The following LRRC49 variants were observed in gnomAD, a reference collection of about 807,000 sequenced individuals.
The protein encoded by LRRC49 is leucine-rich repeat-containing protein 49.
A neutral mutation model predicts 83.3 loss-of-function variants in LRRC49; 50 were observed. The ratio of observed to expected loss-of-function variants is 0.60; its 90% CI spans 0.48 to 0.76. The LOEUF (loss-of-function observed/expected upper bound fraction) is 0.76, where lower values mean the gene tolerates loss of function less well. Among genes scored for constraint, LRRC49 ranks in the 30% least tolerant of loss-of-function variants. The probability of loss-of-function intolerance (pLI) is 0.00; values close to 1 mark genes in which losing one functional copy is unlikely to be tolerated. For synonymous variants in LRRC49, 286 were observed against 283.3 expected (o/e 1.01, Z -0.10); for missense variants, 704 against 809.1 (o/e 0.87, Z 1.58).
chr15:70,993,837 G>A (rs146740603), intron 11 of LRRC49, among the ~76,000 whole-genome samples: 22 of 152,088 alleles, frequency 1.4e-4, no homozygotes, highest in East Asian at 1.2e-3. Context: ...CCTTCAATCC[G>A]TCAAATTTTT....
intron 8 of LRRC49, among the ~76,000 whole-genome samples, chr15:70,941,410 A>G (rs1041214378): frequency 1.3e-5 from 2 of 152,094 alleles, no homozygotes; most frequent in East Asian, 1.9e-4. Context: ...CTAAAATGTT[A>G]TAGAATGATA....
chr15:70,871,234 G>A lies in LRRC49; in HGVS notation c.-298-1674G>A, dbSNP rs2033026806. On this transcript the variant is annotated intron_variant, in intron 1 of 16. Transcript: ENST00000544974. ...CCCTTAATCCATTTAACCCTGAGTG[G>A]ACACAGCACATGTTTCAGAGAGCAC... Among the ~76,000 whole-genome samples, 3 of 152,122 alleles carry A rather than the reference G, an allele frequency of 2.0e-5. No individual in the cohort carries two copies. In the South Asian group the frequency reaches 6.2e-4, roughly 32 times the overall value.
At chr15:70,875,153 C>A (rs1007115659) in intron 2 of LRRC49, among the ~76,000 whole-genome samples, 5 of 152,180 alleles carry the variant, frequency 3.3e-5, no homozygotes, top group African/African-American at 4.8e-5. Flanking sequence ...GTGAACCAGA[C>A]CATCCCTAAA....
At chr15:70,926,415 A>G (rs952205102) in intron 7 of LRRC49, among the ~76,000 whole-genome samples, 1 of 152,118 alleles carries the variant, frequency 6.6e-6, no homozygotes, top group Non-Finnish European at 1.5e-5. Flanking sequence ...TGGTGGACAA[A>G]TGCTCTCATT....
At chr15:70,877,787 C>T (rs188329493) in intron 2 of LRRC49, among the ~76,000 whole-genome samples, 3 of 152,278 alleles carry the variant, frequency 2.0e-5, no homozygotes, top group Admixed American at 6.5e-5. Flanking sequence ...TTACTACCAG[C>T]AATGTAGGAG....
intron 8 of LRRC49, among the ~76,000 whole-genome samples, chr15:70,955,928 G>A (rs74021910): frequency 0.013 from 2,001 of 152,126 alleles, 51 homozygotes; most frequent in African/African-American, 0.046. Context: ...TTGTGAGCAC[G>A]CTTGATGATT....
At chr15:70,904,439 A>C in intron 4 of LRRC49, 113 bp from the exon 5 acceptor site, 2 of 680,694 alleles carry the variant, frequency 2.9e-6, no homozygotes, top group East Asian at 5.4e-5. Context: ...AAGTGGTCCA[A>C]CTTATTTTTT....
chr15:71,015,823 G>A (rs1489199635), intron 14 of LRRC49, among the ~76,000 whole-genome samples: 4 of 152,030 alleles, frequency 2.6e-5, no homozygotes, highest in East Asian at 1.9e-4. Context: ...TTCTTTACAT[G>A]AGCACAAATA....
At chr15:70,904,988 GTGT>G (rs1227182914) in intron 5 of LRRC49, among the ~76,000 whole-genome samples, 1 of 152,188 alleles carries the variant, frequency 6.6e-6, no homozygotes, top group African/African-American at 2.4e-5. Flanking sequence ...TTGCTTTCCA[GTGT>G]TGTATCTTAT....
chr15:70,899,621 G>C (rs1388347561), intron 3 of LRRC49, among the ~76,000 whole-genome samples: 2 of 152,134 alleles, frequency 1.3e-5, no homozygotes, highest in Non-Finnish European at 2.9e-5. Context: ...CTAGGGGTGA[G>C]ATACTTCAGT....
At chr15:70,991,581 G>C (rs2037880701) in intron 11 of LRRC49, among the ~76,000 whole-genome samples, 1 of 152,142 alleles carries the variant, frequency 6.6e-6, no homozygotes, top group African/African-American at 2.4e-5. Context: ...TTTGCTTTTG[G>C]AACTTTGTGG....
chr15:70,945,638 T>A (rs2035981128), intron 8 of LRRC49, among the ~76,000 whole-genome samples: 1 of 151,180 alleles, frequency 6.6e-6, no homozygotes, highest in African/African-American at 2.4e-5. Context: ...GTATTAAAGA[T>A]GTTTTTTTTT....
chr15:70,898,692 A>G (rs911552083), intron 3 of LRRC49, among the ~76,000 whole-genome samples: 6 of 152,116 alleles, frequency 3.9e-5, no homozygotes, highest in Admixed American at 2.0e-4. Context: ...CTGAGGTAGG[A>G]GGATCACTTG....
intron 2 of LRRC49, among the ~76,000 whole-genome samples, chr15:70,876,716 T>C (rs1412434909): frequency 6.6e-6 from 1 of 152,240 alleles, no homozygotes; most frequent in African/African-American, 2.4e-5. Context: ...CTTCCTTTTC[T>C]ATCTTCTCCA....
intron 9 of LRRC49, among the ~76,000 whole-genome samples, chr15:70,974,197 G>A (rs1048946056): frequency 1.3e-5 from 2 of 152,176 alleles, no homozygotes; most frequent in African/African-American, 2.4e-5. Context: ...CTAGGAGGCA[G>A]CATTAGCTCA....
chr15:70,873,259 A>T (rs1198525535), intron 2 of LRRC49: 3 of 1,531,580 alleles, frequency 2.0e-6, no homozygotes, highest in Non-Finnish European at 2.6e-6. Context: ...AATTTTGTAT[A>T]ACAATTATAC....
At chr15:71,021,991 C>T (rs907101665) in intron 14 of LRRC49, among the ~76,000 whole-genome samples, 1 of 152,086 alleles carries the variant, frequency 6.6e-6, no homozygotes, top group Non-Finnish European at 1.5e-5. Flanking sequence ...TTTTAAAGGA[C>T]GTGGATGCAA....
At chr15:70,873,173 C>A in exon 2 of LRRC49, 2 of 1,535,126 alleles carry the variant, frequency 1.3e-6, no homozygotes, top group Non-Finnish European at 1.7e-6. Context: ...GAGTGAGCCA[C>A]CTCGCCCAGC....
At chr15:70,911,697 G>C (rs1297437806) in intron 6 of LRRC49, 99 bp downstream of exon 6, 2 of 719,384 alleles carry the variant, frequency 2.8e-6, no homozygotes, top group Non-Finnish European at 4.6e-6. Context: ...TTTTTCAAGA[G>C]TTTCTTTATT....
Sources: gnomAD v4.1 joint callset for allele counts (sites outside exome capture counted in the v4.1 genomes callset) on GRCh38, gnomAD v4.1.1 for gene constraint, MANE v1.5 for transcripts, NCBI Gene and HGNC (gene_info 2026-07-23, HGNC 2026-07-21) for gene names.